The following OR6N1 variants were observed in gnomAD, a reference collection of about 807,000 sequenced individuals.
The protein encoded by OR6N1 is olfactory receptor family 6 subfamily N member 1.
For missense variants in OR6N1, 394 were observed against 371.7 expected (o/e 1.06, Z -0.49); for synonymous variants, 170 against 150.7 (o/e 1.13, Z -0.94).
chr1:158,807,828 CT>C, the OR6N1 span, among the ~76,000 whole-genome samples: 99,514 of 151,970 alleles, frequency 0.65, 34,707 homozygotes, highest in African/African-American at 0.91. Flanking sequence ...ACCACTTGTT[CT>C]TGCATCCCTG....
At chr1:158,833,440 T>G in the OR6N1 span, among the ~76,000 whole-genome samples, 16 of 152,332 alleles carry the variant, frequency 1.1e-4, no homozygotes, top group East Asian at 2.7e-3. Context: ...CGCCTTTGCA[T>G]CTTGCAAAAC....
At chr1:158,769,583 A>T (rs857831) in intron 1 of OR6N1, among the ~76,000 whole-genome samples, 144,919 of 152,298 alleles carry the variant, frequency 0.95, 69,253 homozygotes, top group African/African-American at 0.99. Flanking sequence ...GTTATGAAAG[A>T]CACCGAGTCT....
chr1:158,776,758 C>G, upstream of OR6N1: 1 of 1,613,816 alleles, frequency 6.2e-7, no homozygotes, highest in African/African-American at 1.3e-5. Context: ...TTCCTTGTTA[C>G]GAAGACTGTA....
At chr1:158,819,128 G>A in the OR6N1 span, among the ~76,000 whole-genome samples, 15 of 152,178 alleles carry the variant, frequency 9.9e-5, no homozygotes, top group Non-Finnish European at 1.5e-5. Context: ...TTTCTCTTCA[G>A]AGACCACCCC....
At chr1:158,803,125 C>T in the OR6N1 span, among the ~76,000 whole-genome samples, 1 of 152,066 alleles carries the variant, frequency 6.6e-6, no homozygotes, top group African/African-American at 2.4e-5. Flanking sequence ...AAAAGATTAA[C>T]AAGTAAATCA....
the OR6N1 span, among the ~76,000 whole-genome samples, chr1:158,815,370 A>G: frequency 6.6e-6 from 1 of 152,170 alleles, no homozygotes; most frequent in Non-Finnish European, 1.5e-5. Context: ...AATGTGAGCC[A>G]AGCAATTGCC....
intron 1 of OR6N1, 151 bp from the exon 2 acceptor site, chr1:158,766,851 C>T: frequency 3.3e-6 from 2 of 599,890 alleles, no homozygotes; most frequent in Non-Finnish European, 5.9e-6. Context: ...ATTTCAATTC[C>T]ATCCCTCCCT....
chr1:158,813,045 T>A, the OR6N1 span, among the ~76,000 whole-genome samples: 19 of 152,342 alleles, frequency 1.2e-4, no homozygotes, highest in African/African-American at 4.6e-4. Context: ...ATAAGATGAA[T>A]GCAATTTTAA....
chr1:158,781,578 C>CG, the OR6N1 span, among the ~76,000 whole-genome samples: 2 of 152,228 alleles, frequency 1.3e-5, no homozygotes, highest in Admixed American at 6.5e-5. Flanking sequence ...TAAACACATG[C>CG]ACTCTCACAT....
chr1:158,810,303 G>GC, the OR6N1 span, among the ~76,000 whole-genome samples: 900 of 152,064 alleles, frequency 5.9e-3, 6 homozygotes, highest in African/African-American at 0.021. Context: ...CCCCACTCCT[G>GC]CCCATTACCT....
chr1:158,775,131 C>A (rs1315915962), upstream of OR6N1: 1 of 152,132 alleles, frequency 6.6e-6, no homozygotes, highest in African/African-American at 2.4e-5. Flanking sequence ...TGTATATATA[C>A]ATAAATGTCC....
At chr1:158,813,096 G>C in the OR6N1 span, among the ~76,000 whole-genome samples, 1 of 152,164 alleles carries the variant, frequency 6.6e-6, no homozygotes, top group African/African-American at 2.4e-5. Flanking sequence ...AGATTGACAA[G>C]GTTCCAGAGG....
At chr1:158,802,439 A>C in the OR6N1 span, among the ~76,000 whole-genome samples, 1 of 151,966 alleles carries the variant, frequency 6.6e-6, no homozygotes, top group Non-Finnish European at 1.5e-5. Context: ...CGCTCTCCTG[A>C]CCTCGTGATC....
chr1:158,789,914 G>A, the OR6N1 span, among the ~76,000 whole-genome samples: 1 of 152,132 alleles, frequency 6.6e-6, no homozygotes, highest in Non-Finnish European at 1.5e-5. Flanking sequence ...CTTTGCCCAG[G>A]CCAATGCCCT....
chr1:158,806,774 C>T, the OR6N1 span, among the ~76,000 whole-genome samples: 12 of 151,744 alleles, frequency 7.9e-5, no homozygotes, highest in African/African-American at 2.9e-4. Flanking sequence ...AATGGCAACA[C>T]CTGAATTTGT....
chr1:158,800,115 ATGTTTT>A, the OR6N1 span, among the ~76,000 whole-genome samples: 1 of 152,178 alleles, frequency 6.6e-6, no homozygotes, highest in Non-Finnish European at 1.5e-5. Flanking sequence ...TTTCAGTTTT[ATGTTTT>A]TGTAAAGACA....
At chr1:158,803,587 C>G in the OR6N1 span, among the ~76,000 whole-genome samples, 3 of 152,186 alleles carry the variant, frequency 2.0e-5, no homozygotes, top group African/African-American at 7.2e-5. Flanking sequence ...CTACGTTCCT[C>G]TTTTCCTCTT....
At chr1:158,781,244 T>C in the OR6N1 span, 6 of 152,304 alleles carry the variant, frequency 3.9e-5, no homozygotes, top group African/African-American at 1.4e-4. Context: ...GGAAACTGGA[T>C]CTATAAGCCT....
At chr1:158,794,051 G>A in the OR6N1 span, among the ~76,000 whole-genome samples, 4 of 152,138 alleles carry the variant, frequency 2.6e-5, no homozygotes, top group Admixed American at 1.3e-4. Flanking sequence ...TGTAGAGGGC[G>A]ATAGTGACTC....
Sources: gnomAD v4.1 joint callset for allele counts (sites outside exome capture counted in the v4.1 genomes callset) on GRCh38, gnomAD v4.1.1 for gene constraint, MANE v1.5 for transcripts, NCBI Gene and HGNC (gene_info 2026-07-23, HGNC 2026-07-21) for gene names.